HS3ST5: variants seen among roughly 807,000 people sequenced by gnomAD.
HS3ST5 encodes heparan sulfate glucosamine 3-O-sulfotransferase 5.
Under a neutral mutation model 25.4 loss-of-function variants are expected in HS3ST5, and 10 were observed. The observed-to-expected ratio is 0.39, with a 90% CI of 0.24 to 0.67. HS3ST5 has a LOEUF of 0.67. HS3ST5 is among the 30% of genes least tolerant of loss of function. The pLI is 0.44. For synonymous variants in HS3ST5, 170 were observed against 162.4 expected, an observed-to-expected ratio of 1.05 and a Z score of -0.36; for missense variants, 324 against 420.7, an observed-to-expected ratio of 0.77 and a Z score of 2.01.
intron 1 of HS3ST5, among the ~76,000 whole-genome samples, chr6:114,254,308 C>T (rs983182486): frequency 6.6e-6 from 1 of 152,182 alleles, no homozygotes; most frequent in African/African-American, 2.4e-5. Context: ...TTCAACATGG[C>T]TTCAAAATAG....
At chr6:114,287,117 TACAG>T (rs1165780481) in intron 1 of HS3ST5, among the ~76,000 whole-genome samples, 3 of 151,896 alleles carry the variant, frequency 2.0e-5, no homozygotes, top group African/African-American at 7.3e-5. Context: ...ATTTAGAAAA[TACAG>T]ACAATTATAA....
intron 1 of HS3ST5, among the ~76,000 whole-genome samples, chr6:114,304,647 A>G (rs1312058342): frequency 6.6e-6 from 1 of 152,150 alleles, no homozygotes; most frequent in Non-Finnish European, 1.5e-5. Context: ...TAGAAATTAA[A>G]ACAGATTTTT....
At chr6:114,309,341 T>C (rs2114838201) in intron 1 of HS3ST5, among the ~76,000 whole-genome samples, 1 of 152,338 alleles carries the variant, frequency 6.6e-6, no homozygotes, top group South Asian at 2.1e-4. Flanking sequence ...TGTGAGGGAC[T>C]TGTCAATAAA....
At chr6:114,329,426 A>C (rs73544441) in intron 1 of HS3ST5, among the ~76,000 whole-genome samples, 9,636 of 152,246 alleles carry the variant, frequency 0.063, 550 homozygotes, top group African/African-American at 0.15. Context: ...GACAAGCATA[A>C]TGCAGTCTGC....
intron 3 of HS3ST5, among the ~76,000 whole-genome samples, chr6:114,102,777 A>G (rs1423896241): frequency 6.6e-6 from 1 of 152,158 alleles, no homozygotes; most frequent in Non-Finnish European, 1.5e-5. Context: ...AAAAAGTTTA[A>G]AATCTGGCTT....
intron 3 of HS3ST5, among the ~76,000 whole-genome samples, chr6:114,118,504 G>T (rs1776638579): frequency 6.6e-6 from 1 of 152,058 alleles, no homozygotes; most frequent in Non-Finnish European, 1.5e-5. Flanking sequence ...ATTATATGGG[G>T]TTATTACCAT....
intron 2 of HS3ST5, chr6:114,179,201 G>A (rs1171618982): frequency 5.3e-5 from 8 of 152,144 alleles, no homozygotes; most frequent in Non-Finnish European, 8.8e-5. Flanking sequence ...GCTCACTGCT[G>A]TATCTTTAGC....
intron 1 of HS3ST5, among the ~76,000 whole-genome samples, chr6:114,251,277 C>T (rs552698684): frequency 8.5e-5 from 13 of 152,166 alleles, no homozygotes; most frequent in African/African-American, 1.2e-4. Context: ...CCCAATATGT[C>T]GAACAGATGA....
chr6:114,252,962 G>A (rs1225305911), intron 1 of HS3ST5, among the ~76,000 whole-genome samples: 1 of 152,034 alleles, frequency 6.6e-6, no homozygotes, highest in Non-Finnish European at 1.5e-5. Flanking sequence ...TTTGGGAATT[G>A]CTTGAGCCCA....
rs567846003 is a variant in HS3ST5 at position 114,206,530 on chromosome 6, C to T, written c.-145+22055G>A. On this transcript the variant is annotated intron_variant, in intron 2 of 4. Coordinates refer to ENST00000312719, the MANE Select transcript of HS3ST5 (RefSeq NM_153612.4). ...GATGCAGAAACCAGATATCTGGCCCCAGATTGGCCACTTACTTGCTACATA... is the reference window on the plus strand; with the variant it reads ...GATGCAGAAACCAGATATCTGGCCCTAGATTGGCCACTTACTTGCTACATA... Among the ~76,000 whole-genome samples the T allele has an allele frequency of 2.6e-5, 4 of 152,226 alleles. No individual in the cohort carries two copies. The South Asian group carries it at 8.3e-4, about 32-fold the overall frequency.
At chr6:114,225,140 T>C (rs1782233244) in intron 2 of HS3ST5, among the ~76,000 whole-genome samples, 1 of 151,832 alleles carries the variant, frequency 6.6e-6, no homozygotes, top group African/African-American at 2.4e-5. Context: ...TCTCAACTGT[T>C]ACTAGTTTTG....
At position 114,070,598 on chromosome 6, in the gene HS3ST5, T is replaced by C. The variant is rs555737022; in HGVS notation, c.-32-7721A>G. Among the ~76,000 whole-genome samples the C allele has an allele frequency of 1.1e-4, 16 of 152,324 alleles. No individual in the cohort carries two copies. In the South Asian group the frequency reaches 3.3e-3, roughly 32 times the overall value. On this transcript the variant is annotated intron_variant, in intron 3 of 4. Transcript: ENST00000312719. ...GCCACTTGTCACAGACTCAGATTCT[T>C]ATGTGCTGGTCTTTGTAAGATCTTG...
At chr6:114,183,534 C>T (rs933023913) in intron 2 of HS3ST5, among the ~76,000 whole-genome samples, 16 of 152,158 alleles carry the variant, frequency 1.1e-4, no homozygotes, top group African/African-American at 3.6e-4. Context: ...ATTTTATATA[C>T]ATATATAATC....
At chr6:114,162,290 A>G (rs1232450962) in intron 3 of HS3ST5, among the ~76,000 whole-genome samples, 1 of 152,166 alleles carries the variant, frequency 6.6e-6, no homozygotes, top group African/African-American at 2.4e-5. Context: ...ATAAACTATA[A>G]AAGTTTCCAA....
chr6:114,212,017 G>A (rs1229090260), intron 2 of HS3ST5, among the ~76,000 whole-genome samples: 1 of 152,240 alleles, frequency 6.6e-6, no homozygotes, highest in African/African-American at 2.4e-5. Context: ...GGCAACCAGA[G>A]TCCAATATTT....
In HS3ST5 at chr6:114,335,044, A is replaced by C. The variant is rs529619342; in HGVS notation, c.-339+7151T>G. Among the ~76,000 whole-genome samples the C allele has an allele frequency of 2.0e-5, 3 of 152,176 alleles. No individual in the cohort carries two copies. In the South Asian group the frequency reaches 6.2e-4, roughly 31 times the overall value. On this transcript the variant is annotated intron_variant, in intron 1 of 4. Coordinates refer to ENST00000312719, the MANE Select transcript of HS3ST5 (RefSeq NM_153612.4). ...CATGGGTTTTAAGGCCCAGAAATCC[A>C]CAGAAAATACTTGGGGGCTAACTGT...
chr6:114,244,404 T>C (rs759048264), intron 1 of HS3ST5, among the ~76,000 whole-genome samples: 1 of 152,192 alleles, frequency 6.6e-6, no homozygotes, highest in Non-Finnish European at 1.5e-5. Context: ...AATTGGACAG[T>C]TAACTAAACC....
Position 114,057,150 on chromosome 6 carries a change from T to G in HS3ST5, c.*107A>C. 1.3e-6 allele frequency: 1 copy of G among 788,736 alleles called. No homozygotes were observed. The highest frequency in any genetic ancestry group is 1.8e-5 in the South Asian group (1 of 55,890). The allele number at this position is 788,736 out of a possible 1,614,324, so 48.9% of individuals were successfully genotyped here. On this transcript the variant is annotated 3_prime_UTR_variant, in exon 5 of 5. Transcript: ENST00000312719. ...CACACTGCGTATGTACAAATATACA[T>G]GGAAAAATGACTTGGATAGCTCTGC... is the stretch of plus-strand genomic sequence containing the variant.
chr6:114,057,228 C>T lies in HS3ST5; in HGVS notation c.*29G>A, dbSNP rs752961648. On this transcript the variant is annotated 3_prime_UTR_variant, in exon 5 of 5. Coordinates refer to ENST00000312719, the MANE Select transcript of HS3ST5 (RefSeq NM_153612.4). ...AGGAGACATTGTGTGTCTCCAGGCA[C>T]AACACATAGTGTTGTATGACATATT... The T allele has an allele frequency of 9.4e-6, 14 of 1,496,598 alleles. No homozygotes were observed. The highest frequency in any genetic ancestry group is 2.8e-6 in the Non-Finnish European group (3 of 1,085,292). The allele number at this position is 1,496,598 out of a possible 1,614,324, so 92.7% of individuals were successfully genotyped here. A position where few individuals can be genotyped will look rare whatever the true frequency, so the allele number is the denominator to read the frequency against.
Sources: gnomAD v4.1 joint callset for allele counts (sites outside exome capture counted in the v4.1 genomes callset) on GRCh38, gnomAD v4.1.1 for gene constraint, MANE v1.5 for transcripts, NCBI Gene and HGNC (gene_info 2026-07-23, HGNC 2026-07-21) for gene names.